The following SPRED1 variants were observed in gnomAD, a reference collection of about 807,000 sequenced individuals.
The protein encoded by SPRED1 is sprouty related EVH1 domain containing 1.
Under a neutral mutation model 52.3 loss-of-function variants are expected in SPRED1, and 18 were observed. The observed-to-expected ratio is 0.34, with a 90% CI of 0.24 to 0.51. The LOEUF (loss-of-function observed/expected upper bound fraction) is 0.51, where lower values mean the gene tolerates loss of function less well. Among genes scored for constraint, SPRED1 ranks in the 20% least tolerant of loss-of-function variants. SPRED1 has a pLI of 0.97. For missense variants in SPRED1, 485 were observed against 551.0 expected, an observed-to-expected ratio of 0.88 and a Z score of 1.20; for synonymous variants, 155 against 179.7, an observed-to-expected ratio of 0.86 and a Z score of 1.10.
Position 38,351,374 on chromosome 15 carries a change from A to G in SPRED1, c.1045A>G (p.Arg349Gly), listed in dbSNP as rs774835982. Residue 349 changes from arginine to glycine, a missense_variant, in exon 7 of 7, where the codon AGG (arginine) becomes GGG (glycine). By Grantham distance (125) the Arg-to-Gly change is moderately radical. Coordinates refer to ENST00000299084, the MANE Select transcript of SPRED1 (RefSeq NM_152594.3). Reference sequence around the variant, plus strand: ...AAGGTTTAATCATGAAGAAAATGTTAGGGGAAAATGTCAGGATGCTCCAGA... The same window carrying G: ...AAGGTTTAATCATGAAGAAAATGTTGGGGGAAAATGTCAGGATGCTCCAGA... ...QERFNHEENV[R>G]GKCQDAPDPI... is the part of the protein sequence containing the mutation. 6.2e-7 allele frequency: 1 copy of G among 1,614,104 alleles called. No homozygotes were observed. Among genetic ancestry groups the G allele is most frequent in the South Asian group, 1.1e-5 (1 of 91,078 alleles).
chr15:38,256,572 C>G (rs932334937), intron 1 of SPRED1, among the ~76,000 whole-genome samples: 1 of 152,074 alleles, frequency 6.6e-6, no homozygotes, highest in African/African-American at 2.4e-5. Context: ...ATTAGGCTTT[C>G]TAATAGCAAG....
intron 2 of SPRED1, among the ~76,000 whole-genome samples, chr15:38,318,767 AT>A (rs1480869897): frequency 6.6e-6 from 1 of 152,186 alleles, no homozygotes; most frequent in Non-Finnish European, 1.5e-5. Context: ...ACATGATTTC[AT>A]TCTTCTGTAT....
At position 38,339,617 on chromosome 15, in the gene SPRED1, C is replaced by T. The variant is rs894949375; in HGVS notation, c.424-120C>T. On this transcript the variant is annotated intron_variant, in intron 4 of 6. Coordinates refer to ENST00000299084, the MANE Select transcript of SPRED1 (RefSeq NM_152594.3). ...GAGTTTTGGGAATTGCTATTCATAGCGATGGTAGCGATATATACTTATTGA... is the reference window on the plus strand; with the variant it reads ...GAGTTTTGGGAATTGCTATTCATAGTGATGGTAGCGATATATACTTATTGA... 3.6e-5 allele frequency: 35 copies of T among 964,490 alleles called. No individual in the cohort carries two copies. In the Admixed American group the frequency reaches 4.4e-4, roughly 12 times the overall value. The allele number at this position is 964,490 out of a possible 1,614,324, so 59.7% of individuals were successfully genotyped here.
At chr15:38,311,267 A>C (rs72711722) in intron 2 of SPRED1, among the ~76,000 whole-genome samples, 13,798 of 152,168 alleles carry the variant, frequency 0.091, 754 homozygotes, top group East Asian at 0.21. Context: ...TTCTGCAATA[A>C]ATCCCACTTG....
intron 5 of SPRED1, 102 bp downstream of exon 5, chr15:38,339,997 A>G (rs1895998515): frequency 2.8e-6 from 4 of 1,447,632 alleles, no homozygotes; most frequent in East Asian, 2.4e-5. Flanking sequence ...TACCAGACAC[A>G]GTAAACAAAC....
At chr15:38,349,744 A>G (rs1888440835) in intron 6 of SPRED1, among the ~76,000 whole-genome samples, 1 of 152,216 alleles carries the variant, frequency 6.6e-6, no homozygotes. Context: ...AGATAGGACC[A>G]AAAGGAATTA....
chr15:38,298,474 A>G, intron 1 of SPRED1: 2 of 293,444 alleles, frequency 6.8e-6, no homozygotes, highest in South Asian at 5.8e-5. Context: ...GAAAGAATAA[A>G]TTATGATAGA....
At chr15:38,349,653 C>A in intron 6 of SPRED1, 130 bp downstream of exon 6, 4 of 680,922 alleles carry the variant, frequency 5.9e-6, no homozygotes, top group Non-Finnish European at 2.6e-6. Flanking sequence ...AAATTTGCTG[C>A]CTATGTGCTT....
intron 2 of SPRED1, among the ~76,000 whole-genome samples, chr15:38,311,808 A>G (rs866413166): frequency 1.3e-5 from 2 of 152,088 alleles, no homozygotes; most frequent in Non-Finnish European, 2.9e-5. Context: ...CTCTTTTGTC[A>G]GTCTTGCTAG....
intron 2 of SPRED1, among the ~76,000 whole-genome samples, chr15:38,310,153 G>GTGTGTGTGTT (rs373463622): frequency 0.055 from 7,237 of 132,138 alleles, 340 homozygotes; most frequent in Non-Finnish European, 0.073. Context: ...GTGTGTGTGT[G>GTGTGTGTGTT]TTTGGAGACG....
intron 1 of SPRED1, 78 bp from the exon 2 acceptor site, chr15:38,299,295 G>T: frequency 6.8e-7 from 1 of 1,475,960 alleles, no homozygotes. Flanking sequence ...GTGTTCTTTG[G>T]TTTCTCAAAC....
chr15:38,345,893 A>T (rs1268868074), intron 5 of SPRED1, among the ~76,000 whole-genome samples: 3 of 152,158 alleles, frequency 2.0e-5, no homozygotes, highest in Non-Finnish European at 4.4e-5. Flanking sequence ...GTCTAAAACA[A>T]AAGGCCGATA....
chr15:38,268,282 A>G (rs1326561792), intron 1 of SPRED1: 1 of 152,234 alleles, frequency 6.6e-6, no homozygotes, highest in African/African-American at 2.4e-5. Flanking sequence ...TTTTCATGAA[A>G]TAAGCTGAAC....
At chr15:38,339,047 G>A (rs904283711) in intron 4 of SPRED1, among the ~76,000 whole-genome samples, 6 of 151,816 alleles carry the variant, frequency 4.0e-5, no homozygotes, top group African/African-American at 9.7e-5. Context: ...GTAACATCCC[G>A]TTTCTTTAAA....
intron 4 of SPRED1, among the ~76,000 whole-genome samples, chr15:38,328,136 A>G (rs1895742086): frequency 6.6e-6 from 1 of 152,188 alleles, no homozygotes; most frequent in African/African-American, 2.4e-5. Flanking sequence ...AATACAGATT[A>G]TGGTTTAAGG....
At chr15:38,338,865 G>A (rs1037620791) in intron 4 of SPRED1, among the ~76,000 whole-genome samples, 1 of 151,852 alleles carries the variant, frequency 6.6e-6, no homozygotes, top group African/African-American at 2.4e-5. Context: ...TTTAGAAGTA[G>A]CACCAACAAA....
At chr15:38,270,742 G>A (rs1222976300) in intron 1 of SPRED1, among the ~76,000 whole-genome samples, 3 of 152,106 alleles carry the variant, frequency 2.0e-5, no homozygotes, top group Non-Finnish European at 4.4e-5. Context: ...AACCAAATCA[G>A]CATTAAATTA....
intron 3 of SPRED1, among the ~76,000 whole-genome samples, 161 bp from the exon 4 acceptor site, chr15:38,324,602 A>G (rs1895672871): frequency 6.6e-6 from 1 of 152,190 alleles, no homozygotes; most frequent in Non-Finnish European, 1.5e-5. Flanking sequence ...CATTATTCTA[A>G]CAGGGGCAAA....
chr15:38,324,288 C>T (rs1895665236), intron 3 of SPRED1, among the ~76,000 whole-genome samples: 1 of 152,186 alleles, frequency 6.6e-6, no homozygotes, highest in African/African-American at 2.4e-5. Flanking sequence ...TCAGTAACAA[C>T]AATTGGCCAT....
Sources: gnomAD v4.1 joint callset for allele counts (sites outside exome capture counted in the v4.1 genomes callset) on GRCh38, gnomAD v4.1.1 for gene constraint, MANE v1.5 for transcripts, NCBI Gene and HGNC (gene_info 2026-07-23, HGNC 2026-07-21) for gene names.